BICD2: variants seen among roughly 807,000 people sequenced by gnomAD.
The protein encoded by BICD2 is protein bicaudal D homolog 2.
Under a neutral mutation model 72.9 loss-of-function variants are expected in BICD2, and 25 were observed. The observed-to-expected ratio is 0.34, with a 90% CI of 0.25 to 0.48. BICD2 has a LOEUF of 0.48. Ranked by LOEUF, BICD2 falls within the 20% of genes least tolerant of loss-of-function variation. The probability of loss-of-function intolerance (pLI) is 0.99; values close to 1 mark genes in which losing one functional copy is unlikely to be tolerated. For missense variants in BICD2, 894 were observed against 1,175.2 expected (o/e 0.76, Z 3.50); for synonymous variants, 501 against 516.1 (o/e 0.97, Z 0.40).
rs563144716 is a variant in BICD2, at chr9:92,752,053, C to A, written c.240+12452G>T. On this transcript the variant is annotated intron_variant, in intron 1 of 6. Transcript: ENST00000356884. The stretch of plus-strand genomic sequence containing the variant: ...CTCCTAACCTCACGTGATCCACCCG[C>A]CTCGGCCTCCCAAAGTGCTGGGATT... 1.4e-4 allele frequency among the ~76,000 whole-genome samples: 22 copies of A among 152,294 alleles called. No individual in the cohort carries two copies. The East Asian group carries it at 4.2e-3, about 29-fold the overall frequency.
At position 92,764,429 on chromosome 9, in the gene BICD2, C is replaced by G; in HGVS notation, c.240+76G>C. ...CCCCCGCTTGGCAAGCTGACCTTGG[C>G]CGCCCTGGTGCCAGGGACGACGCCC... On this transcript the variant is annotated intron_variant, in intron 1 of 6. Coordinates refer to ENST00000356884, the MANE Select transcript of BICD2 (RefSeq NM_001003800.2). This position sits in a 1 kb window ranked among gnomAD's most constrained non-coding sequence, Gnocchi z 5.5. 7.2e-7 allele frequency: 1 copy of G among 1,391,906 alleles called. No homozygotes were observed. 86.2% of individuals were successfully genotyped at this position (1,391,906 alleles called of 1,614,324 possible).
chr9:92,760,176 G>A (rs961509062), intron 1 of BICD2, among the ~76,000 whole-genome samples: 10 of 152,134 alleles, frequency 6.6e-5, no homozygotes, highest in Admixed American at 2.0e-4. Context: ...ATATACAGTC[G>A]GTCCTGCTCA....
In BICD2 at chr9:92,720,142, T is replaced by G. The variant is rs544148994; in HGVS notation, c.1062+158A>C. On this transcript the variant is annotated intron_variant, in intron 4 of 6. Coordinates refer to ENST00000356884, the MANE Select transcript of BICD2 (RefSeq NM_001003800.2). The surrounding 1 kb of genome is among the most constrained non-coding windows in gnomAD (Gnocchi z 5.4). Reference sequence around the variant, plus strand: ...CACTTCTCTGAGACTCCTCTATGTGTGCTCCTGGAGTTCCATTTACCGTAA... The same window carrying G: ...CACTTCTCTGAGACTCCTCTATGTGGGCTCCTGGAGTTCCATTTACCGTAA... Among the ~76,000 whole-genome samples, 1 of 152,342 alleles carries G rather than the reference T, an allele frequency of 6.6e-6. No homozygotes were observed. The highest frequency in any genetic ancestry group is 1.9e-4 in the East Asian group (1 of 5,190).
rs749242497 is a variant in BICD2, at chr9:92,729,191, C to T, written c.286G>A (p.Gly96Arg). 6.8e-6 allele frequency: 11 copies of T among 1,614,118 alleles called. No homozygotes were observed. Among genetic ancestry groups the T allele is most frequent in the Admixed American group, 5.0e-5 (3 of 60,010 alleles). ...ATCAGGCTCTCCTCCCGGCTCTCTC[C>T]GTCAGCAGCCACCTTCTTGTGGTTT... ...HTNHKKVAAD[G>R]ESREESLIQE... Residue 96 changes from glycine to arginine, a missense_variant, in exon 2 of 7, where the codon GGA becomes AGA. This residue lies in a region of BICD2 where 192 missense variants were observed against 243.6 expected (regional missense o/e 0.79). Transcript: ENST00000356884.
chr9:92,718,542 C>T lies in BICD2; in HGVS notation c.2103G>A (p.Lys701=), dbSNP rs766167985. The change falls in exon 5 of 7, where the codon AAG becomes AAA. Residue 701 remains lysine, a synonymous_variant. Coordinates refer to ENST00000356884, the MANE Select transcript of BICD2 (RefSeq NM_001003800.2). ...CCCCTGCTGCCTGGCACCTCACCTG[C>T]TTGTTGGCCTTGAGCACAGTGCGCA... is the stretch of plus-strand genomic sequence containing the variant. ...TTLRTVLKAN[K]QTAEVALANL... 4 of 1,604,188 alleles carry T rather than the reference C, an allele frequency of 2.5e-6. No homozygotes were observed. In the South Asian group the frequency reaches 4.4e-5, roughly 18 times the overall value.
At position 92,720,276 on chromosome 9, in the gene BICD2, C is replaced by A; in HGVS notation, c.1062+24G>T. ...GCAGACCTGGAGTGGGGACAGCGTG[C>A]CGAAGGCCCCACTGCCTGCTCACCT... On this transcript the variant is annotated intron_variant, in intron 4 of 6. Transcript: ENST00000356884. The surrounding 1 kb of genome is among the most constrained non-coding windows in gnomAD (Gnocchi z 5.4). The A allele has an allele frequency of 6.3e-7, 1 of 1,587,238 alleles. No homozygotes were observed. The highest frequency in any genetic ancestry group is 1.2e-5 in the South Asian group (1 of 86,490).
At chr9:92,740,592 T>A (rs1853880281) in intron 1 of BICD2, among the ~76,000 whole-genome samples, 1 of 151,390 alleles carries the variant, frequency 6.6e-6, no homozygotes, top group Admixed American at 6.6e-5. Flanking sequence ...AAAGAAACAG[T>A]CTCTCTAGAC....
rs1018836911 is a variant in BICD2 at position 92,757,663 on chromosome 9, C to T, written c.240+6842G>A. ...CGGAGCTTGCAGTAAGCCGAGATCG[C>T]GCCATTGTACTCCAGCCTGGGTGAC... On this transcript the variant is annotated intron_variant, in intron 1 of 6. Coordinates refer to ENST00000356884, the MANE Select transcript of BICD2 (RefSeq NM_001003800.2). 6.0e-5 allele frequency among the ~76,000 whole-genome samples: 9 copies of T among 151,058 alleles called. No individual in the cohort carries two copies. The South Asian group carries it at 8.4e-4, about 14-fold the overall frequency.
At chr9:92,757,596 CG>C (rs1038638105) in intron 1 of BICD2, among the ~76,000 whole-genome samples, 1 of 14,730 alleles carries the variant, frequency 6.8e-5, no homozygotes, top group Non-Finnish European at 1.5e-4. Flanking sequence ...TGCGGGGGGG[CG>C]GGGGGGAGCT....
In BICD2 at chr9:92,713,392, A is replaced by T; in HGVS notation, c.*1762T>A. The T allele has an allele frequency of 1.3e-6, 2 of 1,533,842 alleles. No homozygotes were observed. The highest frequency in any genetic ancestry group is 1.8e-6 in the Non-Finnish European group (2 of 1,125,820). ...CCTTCCTTCCTCCTTGTGGGCCACGAGAGGGAAGGGGAAGGGGCTGCAGTG... is the reference window on the plus strand; with the variant it reads ...CCTTCCTTCCTCCTTGTGGGCCACGTGAGGGAAGGGGAAGGGGCTGCAGTG... On this transcript the variant is annotated 3_prime_UTR_variant, in exon 7 of 7. Transcript: ENST00000356884.
chr9:92,717,451 C>T (rs991904880), intron 6 of BICD2, among the ~76,000 whole-genome samples: 4 of 152,252 alleles, frequency 2.6e-5, no homozygotes, highest in East Asian at 3.8e-4. Context: ...CTGCTATCCC[C>T]GGCCACATGT....
intron 1 of BICD2, among the ~76,000 whole-genome samples, chr9:92,744,975 T>A (rs1353133919): frequency 6.6e-6 from 1 of 152,210 alleles, no homozygotes; most frequent in Non-Finnish European, 1.5e-5. Flanking sequence ...AAAAGATTAA[T>A]AAAACCCCAA....
At chr9:92,728,134 G>T (rs1322738127) in intron 2 of BICD2, among the ~76,000 whole-genome samples, 5 of 152,228 alleles carry the variant, frequency 3.3e-5, no homozygotes, top group African/African-American at 1.2e-4. Flanking sequence ...TCCTCCTGCT[G>T]GGCTCAAACT....
In BICD2 at chr9:92,713,169, G is replaced by A. The variant is rs563756331; in HGVS notation, c.*1985C>T. 103 of 452,400 alleles carry A rather than the reference G, an allele frequency of 2.3e-4. 1 individual carries two copies. The Admixed American group carries it at 2.8e-3, about 12-fold the overall frequency. 28.0% of individuals were successfully genotyped at this position (452,400 alleles called of 1,614,324 possible). ...GTAACAAGGAGCCCCCGTGGTGGGCGTTTCCAGTGGGCTCCTGGCGAGCCT... is the reference window on the plus strand; with the variant it reads ...GTAACAAGGAGCCCCCGTGGTGGGCATTTCCAGTGGGCTCCTGGCGAGCCT... On this transcript the variant is annotated 3_prime_UTR_variant, in exon 7 of 7. Coordinates refer to ENST00000356884, the MANE Select transcript of BICD2 (RefSeq NM_001003800.2).
At chr9:92,731,555 G>T (rs1318775275) in intron 1 of BICD2, among the ~76,000 whole-genome samples, 3 of 152,100 alleles carry the variant, frequency 2.0e-5, no homozygotes, top group Non-Finnish European at 4.4e-5. Context: ...CACATCATGG[G>T]CACTAGATAG....
intron 6 of BICD2, among the ~76,000 whole-genome samples, chr9:92,717,102 C>A (rs1261531812): frequency 6.6e-6 from 1 of 152,252 alleles, no homozygotes; most frequent in African/African-American, 2.4e-5. Context: ...AACATAAATA[C>A]ACACTTGTGC....
Position 92,713,412 on chromosome 9 carries a change from G to A in BICD2, c.*1742C>T. 9 of 1,568,958 alleles carry A rather than the reference G, an allele frequency of 5.7e-6. No individual in the cohort carries two copies. The highest frequency in any genetic ancestry group is 7.8e-6 in the Non-Finnish European group (9 of 1,152,398). On this transcript the variant is annotated 3_prime_UTR_variant, in exon 7 of 7. Transcript: ENST00000356884. Reference sequence around the variant, plus strand: ...CCACGAGAGGGAAGGGGAAGGGGCTGCAGTGTGACAGGGCCGGGTGGCCAA... The same window carrying A: ...CCACGAGAGGGAAGGGGAAGGGGCTACAGTGTGACAGGGCCGGGTGGCCAA...
intron 1 of BICD2, among the ~76,000 whole-genome samples, chr9:92,731,695 G>A (rs1853682904): frequency 6.6e-6 from 1 of 152,162 alleles, no homozygotes; most frequent in Non-Finnish European, 1.5e-5. Context: ...GGCGGAAGAT[G>A]GCAGCAGGGC....
chr9:92,731,793 T>G (rs10992436), intron 1 of BICD2, among the ~76,000 whole-genome samples: 41,874 of 152,168 alleles, frequency 0.28, 6,886 homozygotes, highest in East Asian at 0.76. Flanking sequence ...GAAGGACCAC[T>G]GAGGGGGCAG....
Sources: allele counts gnomAD v4.1 joint callset (sites outside exome capture counted in the v4.1 genomes callset), GRCh38; gene constraint gnomAD v4.1.1; regional missense constraint gnomAD v4.1.1; non-coding constraint Gnocchi (gnomAD v3.1); transcripts MANE v1.5; gene names NCBI Gene and HGNC (gene_info 2026-07-23, HGNC 2026-07-21).